The following TMPRSS11F variants were observed in gnomAD, a reference collection of about 807,000 sequenced individuals.
TMPRSS11F encodes transmembrane serine protease 11F, also known as transmembrane protease serine 11F.
In TMPRSS11F, 47 loss-of-function variants were observed where a neutral mutation model predicts 60.2. The ratio of observed to expected loss-of-function variants is 0.78; its 90% CI spans 0.62 to 1.00. The LOEUF (loss-of-function observed/expected upper bound fraction) is 1.00, where lower values mean the gene tolerates loss of function less well. Ranked by LOEUF, TMPRSS11F falls within the 50% of genes least tolerant of loss-of-function variation. The pLI, the probability that TMPRSS11F is intolerant of heterozygous loss-of-function variation, is 0.00. For synonymous variants in TMPRSS11F, 166 were observed against 167.3 expected, an observed-to-expected ratio of 0.99 and a Z score of 0.06; for missense variants, 519 against 522.9, an observed-to-expected ratio of 0.99 and a Z score of 0.07.
chr4:68,058,669 A>G (rs1723094191), intron 9 of TMPRSS11F, among the ~76,000 whole-genome samples: 1 of 152,246 alleles, frequency 6.6e-6, no homozygotes, highest in Non-Finnish European at 1.5e-5. Context: ...GAAAAATAGA[A>G]CAAAGAAAGG....
chr4:68,099,856 C>G (rs887847883), intron 1 of TMPRSS11F, among the ~76,000 whole-genome samples: 5 of 152,060 alleles, frequency 3.3e-5, no homozygotes, highest in Non-Finnish European at 4.4e-5. Flanking sequence ...AACTCTTTGT[C>G]TTTGGGATGC....
Position 68,116,937 on chromosome 4 carries a change from A to G in TMPRSS11F, c.11+12873T>C, listed in dbSNP as rs1724531883. On this transcript the variant is annotated intron_variant, in intron 1 of 9. Coordinates refer to ENST00000356291, the MANE Select transcript of TMPRSS11F (RefSeq NM_207407.2). ...CTTCTAGATATTAGACTTGGCAATG[A>G]TTTATTGGATATGACATGACACCAA... Among the ~76,000 whole-genome samples the G allele has an allele frequency of 2.0e-5, 3 of 152,310 alleles. No homozygotes were observed. In the South Asian group the frequency reaches 6.2e-4, roughly 32 times the overall value.
chr4:68,096,235 T>C (rs1724072923), intron 2 of TMPRSS11F, among the ~76,000 whole-genome samples: 2 of 152,198 alleles, frequency 1.3e-5, no homozygotes, highest in African/African-American at 4.8e-5. Flanking sequence ...CATTTAATGT[T>C]CAAATACGAT....
intron 7 of TMPRSS11F, among the ~76,000 whole-genome samples, chr4:68,066,664 G>A (rs1422797390): frequency 4.6e-5 from 7 of 152,270 alleles, no homozygotes; most frequent in African/African-American, 1.4e-4. Context: ...GGCCGGGCGC[G>A]GTGGTTCACG....
At chr4:68,081,365 A>G (rs955029657) in intron 3 of TMPRSS11F, among the ~76,000 whole-genome samples, 8 of 152,238 alleles carry the variant, frequency 5.3e-5, no homozygotes, top group African/African-American at 1.9e-4. Context: ...AAGTGAAGTC[A>G]ATGTATCATA....
chr4:68,102,974 A>G (rs1323987237), intron 1 of TMPRSS11F, among the ~76,000 whole-genome samples: 1 of 116,824 alleles, frequency 8.6e-6, no homozygotes, highest in Admixed American at 1.2e-4. Flanking sequence ...CTTTTATCCA[A>G]TTTTGAGTTG....
At chr4:68,127,906 G>A (rs1297163635) in intron 1 of TMPRSS11F, among the ~76,000 whole-genome samples, 2 of 151,970 alleles carry the variant, frequency 1.3e-5, no homozygotes, top group Admixed American at 1.3e-4. Flanking sequence ...ATTGCTTTTA[G>A]CTATCCACAA....
intron 1 of TMPRSS11F, among the ~76,000 whole-genome samples, chr4:68,110,469 A>T (rs752902915): frequency 6.6e-6 from 1 of 152,130 alleles, no homozygotes; most frequent in Non-Finnish European, 1.5e-5. Flanking sequence ...ATTAAAAGGC[A>T]TAAAGTTTGT....
chr4:68,066,933 CAAAA>C (rs550010835), intron 7 of TMPRSS11F, among the ~76,000 whole-genome samples: 2 of 65,170 alleles, frequency 3.1e-5, no homozygotes, highest in South Asian at 5.4e-4. Context: ...GACTTCATCT[CAAAA>C]AAAAAAAAAA....
chr4:68,073,123 G>T (rs1005936431), intron 4 of TMPRSS11F, among the ~76,000 whole-genome samples: 2 of 152,108 alleles, frequency 1.3e-5, no homozygotes, highest in Admixed American at 1.3e-4. Context: ...GATCCAGTGG[G>T]CAATTTCATT....
rs370660277 is a variant in TMPRSS11F, at chr4:68,064,887, T to A, written c.813A>T (p.Ala271=). The A allele has an allele frequency of 7.4e-6, 12 of 1,614,004 alleles. No homozygotes were observed. In the African/African-American group the frequency reaches 9.3e-5, roughly 13 times the overall value. The change falls in exon 8 of 10, where the codon GCA becomes GCT. Residue 271 remains alanine, a synonymous_variant. Transcript: ENST00000356291. The part of the protein sequence containing the change: ...ATFGATITPP[A]VKRNVRKIIL... Reference sequence around the variant, plus strand: ...TAATTTTCCTCACATTTCGTTTCACTGCGGGTGGTGTTATAGTTGCACCAA... The same window carrying A: ...TAATTTTCCTCACATTTCGTTTCACAGCGGGTGGTGTTATAGTTGCACCAA...
rs1421091248 is a variant in TMPRSS11F at position 68,053,199 on chromosome 4, T to TCCTTTCTG, written c.*702_*709dup. On this transcript the variant is annotated 3_prime_UTR_variant, in exon 10 of 10. Coordinates refer to ENST00000356291, the MANE Select transcript of TMPRSS11F (RefSeq NM_207407.2). ...CAAAGAGTCTTAATTTTTTTTTTTG[T>TCCTTTCTG]CCTTTCTGGGCCAACTGCTACTAAC... 6.8e-6 allele frequency: 1 copy of TCCTTTCTG among 148,056 alleles called. No homozygotes were observed. The highest frequency in any genetic ancestry group is 2.0e-4 in the East Asian group (1 of 5,044). 9.2% of individuals were successfully genotyped at this position (148,056 alleles called of 1,614,324 possible).
At chr4:68,095,722 C>A (rs1287603229) in intron 2 of TMPRSS11F, among the ~76,000 whole-genome samples, 1 of 151,880 alleles carries the variant, frequency 6.6e-6, no homozygotes, top group Non-Finnish European at 1.5e-5. Flanking sequence ...ATGGTGAAAC[C>A]CCATCTCTAC....
intron 3 of TMPRSS11F, among the ~76,000 whole-genome samples, chr4:68,087,703 T>G (rs1189474077): frequency 5.4e-5 from 1 of 18,402 alleles, no homozygotes; most frequent in African/African-American, 9.6e-5. Flanking sequence ...AGCATTTTAT[T>G]TATTTATTTA....
chr4:68,066,445 A>C (rs13146906), intron 7 of TMPRSS11F, among the ~76,000 whole-genome samples: 33,113 of 152,060 alleles, frequency 0.22, 4,038 homozygotes, highest in Admixed American at 0.37. Context: ...AAGTTCGGTG[A>C]TTTGTGCAGG....
intron 3 of TMPRSS11F, among the ~76,000 whole-genome samples, chr4:68,079,142 G>A (rs1577919276): frequency 6.6e-6 from 1 of 150,942 alleles, no homozygotes; most frequent in South Asian, 2.1e-4. Flanking sequence ...GGCAGGCATT[G>A]GACTGATTCT....
chr4:68,059,621 C>A (rs1425631945), intron 8 of TMPRSS11F, among the ~76,000 whole-genome samples, 153 bp from the exon 9 acceptor site: 1 of 152,138 alleles, frequency 6.6e-6, no homozygotes, highest in African/African-American at 2.4e-5. Context: ...TGTCTACATG[C>A]AAGGAATCAT....
intron 1 of TMPRSS11F, among the ~76,000 whole-genome samples, chr4:68,102,096 C>T (rs140610145): frequency 5.6e-4 from 86 of 152,260 alleles, no homozygotes; most frequent in African/African-American, 2.0e-3. Flanking sequence ...CTGTTTCTGG[C>T]TTATGTCACT....
At chr4:68,055,547 T>A (rs896039684) in intron 9 of TMPRSS11F, among the ~76,000 whole-genome samples, 1 of 151,978 alleles carries the variant, frequency 6.6e-6, no homozygotes, top group Non-Finnish European at 1.5e-5. Context: ...CCTGAACAGA[T>A]CAATAATAAG....
Sources: allele counts gnomAD v4.1 joint callset (sites outside exome capture counted in the v4.1 genomes callset), GRCh38; gene constraint gnomAD v4.1.1; transcripts MANE v1.5; gene names NCBI Gene and HGNC (gene_info 2026-07-23, HGNC 2026-07-21).